Variants in ZNF407 observed in about 807,000 individuals in gnomAD.
ZNF407 encodes the protein zinc finger protein 407.
Under a neutral mutation model 131.2 loss-of-function variants are expected in ZNF407, and 17 were observed. That is an observed-to-expected ratio of 0.13 (90% confidence interval 0.09 to 0.19). The LOEUF is 0.19. Among genes scored for constraint, ZNF407 ranks in the 10% least tolerant of loss-of-function variants. The pLI, the probability that ZNF407 is intolerant of heterozygous loss-of-function variation, is 1.00. For missense variants in ZNF407, 2,681 were observed against 2,830.6 expected (o/e 0.95, Z 1.20); for synonymous variants, 1,156 against 1,062.0 (o/e 1.09, Z -1.72).
intron 7 of ZNF407, among the ~76,000 whole-genome samples, chr18:74,907,506 C>T (rs934820590): frequency 1.1e-4 from 16 of 152,142 alleles, no homozygotes; most frequent in African/African-American, 3.9e-4. Flanking sequence ...GTTCTAACAT[C>T]AGTAACCGTA....
At chr18:75,054,928 C>T (rs1217116649) in intron 8 of ZNF407, among the ~76,000 whole-genome samples, 1 of 152,234 alleles carries the variant, frequency 6.6e-6, no homozygotes, top group African/African-American at 2.4e-5. Flanking sequence ...GTTACGTGTT[C>T]TCAGCCATTG....
At chr18:74,600,154 G>T (rs1982518350) in intron 1 of ZNF407, among the ~76,000 whole-genome samples, 1 of 152,218 alleles carries the variant, frequency 6.6e-6, no homozygotes, top group South Asian at 2.1e-4. Context: ...ATGATTCTTG[G>T]TTGTCAACCA....
In ZNF407 at chr18:74,660,721, G is replaced by A. The variant is rs188908130; in HGVS notation, c.4802+19599G>A. Among the ~76,000 whole-genome samples the A allele has an allele frequency of 9.2e-5, 14 of 152,176 alleles. No homozygotes were observed. The East Asian group carries it at 9.6e-4, about 10-fold the overall frequency. ...TGTTCTTTTAGAAATAGCAAGCAATGACTCCTAAAATGTTATTAGGGGAGA... is the reference window on the plus strand; with the variant it reads ...TGTTCTTTTAGAAATAGCAAGCAATAACTCCTAAAATGTTATTAGGGGAGA... On this transcript the variant is annotated intron_variant, in intron 3 of 8. Transcript: ENST00000299687.
intron 5 of ZNF407, among the ~76,000 whole-genome samples, 197 bp downstream of exon 5, chr18:74,877,560 C>T (rs533107594): frequency 2.6e-5 from 4 of 152,284 alleles, no homozygotes; most frequent in African/African-American, 9.6e-5. Context: ...TTTAAAGTGA[C>T]ATTTGTGCTT....
At chr18:74,873,977 A>C (rs1171923496) in intron 4 of ZNF407, among the ~76,000 whole-genome samples, 1 of 152,286 alleles carries the variant, frequency 6.6e-6, no homozygotes, top group Admixed American at 6.5e-5. Flanking sequence ...TTCCTTTTGA[A>C]ACCTTTAAGA....
In ZNF407 at chr18:74,630,957, T is replaced by C; in HGVS notation, c.-53-10T>C. On this transcript the variant is annotated splice_polypyrimidine_tract_variant and intron_variant, in intron 1 of 8. Transcript: ENST00000299687. ...TTCAAGATTTAATACCATGTTTGTT[T>C]ACTTCACAGGTTATGAGTGCCAGTG... 1 of 1,502,288 alleles carries C rather than the reference T, an allele frequency of 6.7e-7. No homozygotes were observed. The allele number at this position is 1,502,288 out of a possible 1,614,324, so 93.1% of individuals were successfully genotyped here. A position where few individuals can be genotyped will look rare whatever the true frequency, so the allele number is the denominator to read the frequency against.
intron 3 of ZNF407, among the ~76,000 whole-genome samples, chr18:74,710,691 T>G (rs924431621): frequency 1.3e-5 from 2 of 152,228 alleles, no homozygotes; most frequent in Non-Finnish European, 2.9e-5. Flanking sequence ...AATGAGATAA[T>G]AAGAATGCTT....
intron 7 of ZNF407, 45 bp from the exon 8 acceptor site, chr18:74,920,469 T>A (rs1971832286): frequency 1.4e-6 from 2 of 1,473,696 alleles, no homozygotes; most frequent in African/African-American, 2.8e-5. Flanking sequence ...GATAAGGTTA[T>A]TGGTTTGACC....
intron 3 of ZNF407, among the ~76,000 whole-genome samples, chr18:74,730,826 G>C (rs376083609): frequency 6.6e-6 from 1 of 152,100 alleles, no homozygotes; most frequent in African/African-American, 2.4e-5. Flanking sequence ...CAAAAGGGAA[G>C]GTTTAAATGA....
rs191820783 is a variant in ZNF407 at position 74,702,979 on chromosome 18, G to T, written c.4802+61857G>T. 2.2e-3 allele frequency among the ~76,000 whole-genome samples: 331 copies of T among 152,330 alleles called. 4 individuals carry two copies. The highest frequency in any genetic ancestry group is 5.1e-4 in the Non-Finnish European group (35 of 68,028). On this transcript the variant is annotated intron_variant, in intron 3 of 8. Transcript: ENST00000299687. ...TGAACATGGGCAGAAACCCATGTCT[G>T]TTCTTACTGCTTCAGACCCTGATGG... is the stretch of plus-strand genomic sequence containing the variant.
chr18:74,886,837 T>TA (rs1189657894), intron 6 of ZNF407, among the ~76,000 whole-genome samples: 1 of 152,224 alleles, frequency 6.6e-6, no homozygotes, highest in African/African-American at 2.4e-5. Flanking sequence ...TAACAAAACT[T>TA]ATCAAATGGA....
chr18:74,972,639 A>C lies in ZNF407; in HGVS notation c.5428+51947A>C, dbSNP rs183939313. Among the ~76,000 whole-genome samples, 476 of 152,364 alleles carry C rather than the reference A, an allele frequency of 3.1e-3. 3 individuals are homozygous for C. Among genetic ancestry groups the C allele is most frequent in the African/African-American group, 0.011 (446 of 41,588 alleles). ...TAAAGCTCTGTTGCTTGGTGAGTCC[A>C]CATTTAAAATTAATGTATTATTTCA... On this transcript the variant is annotated intron_variant, in intron 8 of 8. Coordinates refer to ENST00000299687, the MANE Select transcript of ZNF407 (RefSeq NM_017757.3).
intron 4 of ZNF407, among the ~76,000 whole-genome samples, chr18:74,840,564 T>G (rs764026636): frequency 7.2e-5 from 11 of 152,084 alleles, no homozygotes; most frequent in Non-Finnish European, 1.5e-4. Context: ...TTTTGAACAT[T>G]GAGATAGATC....
intron 8 of ZNF407, among the ~76,000 whole-genome samples, chr18:75,004,634 T>C (rs979801741): frequency 6.6e-6 from 1 of 152,224 alleles, no homozygotes; most frequent in African/African-American, 2.4e-5. Context: ...AACTGGAATT[T>C]CACCAGGGAT....
intron 3 of ZNF407, among the ~76,000 whole-genome samples, chr18:74,704,733 A>G (rs980675642): frequency 6.6e-6 from 1 of 152,176 alleles, no homozygotes; most frequent in African/African-American, 2.4e-5. Flanking sequence ...CTTTAGCAAG[A>G]TGTTTTCTTG....
intron 3 of ZNF407, among the ~76,000 whole-genome samples, chr18:74,653,752 G>A (rs964162322): frequency 6.6e-6 from 1 of 151,716 alleles, no homozygotes; most frequent in Non-Finnish European, 1.5e-5. Flanking sequence ...TAAAGCATCA[G>A]TAGATTATCA....
chr18:74,859,506 C>G (rs1450383041), intron 4 of ZNF407, among the ~76,000 whole-genome samples: 4 of 152,074 alleles, frequency 2.6e-5, no homozygotes, highest in Non-Finnish European at 4.4e-5. Context: ...ACCTGTGTTT[C>G]ATAAAATCAT....
rs746193465 is a variant in ZNF407, at chr18:75,063,666, C to T, written c.5945C>T (p.Pro1982Leu). Residue 1982 changes from proline (P) to leucine (L), a missense_variant, in exon 9 of 9, where the codon CCC becomes CTC. Physicochemically the swap from Pro to Leu is moderately conservative, Grantham distance 98 (BLOSUM62 -3). Coordinates refer to ENST00000299687, the MANE Select transcript of ZNF407 (RefSeq NM_017757.3). The surrounding 1 kb of genome is among the most constrained non-coding windows in gnomAD (Gnocchi z 6.6). ...AACCTCTCGGAGGCTGGAGTCGCTC[C>T]CCCCGAGGCATCCTCAGCCCTGGAT... ...ILNLSEAGVA[P>L]PEASSALDAL... 13 of 1,608,386 alleles carry T rather than the reference C, an allele frequency of 8.1e-6. No individual in the cohort carries two copies. Among genetic ancestry groups the T allele is most frequent in the Middle Eastern group, 3.3e-4 (2 of 6,074 alleles).
intron 7 of ZNF407, among the ~76,000 whole-genome samples, chr18:74,919,139 C>T (rs145241184): frequency 4.9e-4 from 75 of 152,252 alleles, no homozygotes; most frequent in African/African-American, 1.8e-3. Context: ...ATTAATTCTG[C>T]CTCGCTTGGA....
Sources: allele counts gnomAD v4.1 joint callset (sites outside exome capture counted in the v4.1 genomes callset), GRCh38; gene constraint gnomAD v4.1.1; non-coding constraint Gnocchi (gnomAD v3.1); transcripts MANE v1.5; gene names NCBI Gene and HGNC (gene_info 2026-07-23, HGNC 2026-07-21).